The following MACROD2 variants were observed in gnomAD, a reference collection of about 807,000 sequenced individuals.
MACROD2 encodes the protein ADP-ribose glycohydrolase MACROD2.
In MACROD2, 36 loss-of-function variants were observed where a neutral mutation model predicts 70.4. That is an observed-to-expected ratio of 0.51 (90% CI 0.39 to 0.68). The LOEUF (loss-of-function observed/expected upper bound fraction) is 0.68. Among genes scored for constraint, MACROD2 ranks in the 30% least tolerant of loss-of-function variants. The probability of loss-of-function intolerance (pLI) is 0.00; values close to 1 mark genes in which losing one functional copy is unlikely to be tolerated. For missense variants in MACROD2, 496 were observed against 538.4 expected (o/e 0.92, Z 0.78); for synonymous variants, 172 against 178.8 (o/e 0.96, Z 0.30).
intron 8 of MACROD2, among the ~76,000 whole-genome samples, chr20:15,524,262 C>G (rs1007306817): frequency 6.6e-6 from 1 of 151,764 alleles, no homozygotes; most frequent in East Asian, 1.9e-4. Flanking sequence ...GAGGGGATCT[C>G]CAACTCCAGC....
At chr20:15,588,593 T>C (rs1215313656) in intron 8 of MACROD2, among the ~76,000 whole-genome samples, 1 of 152,238 alleles carries the variant, frequency 6.6e-6, no homozygotes, top group Non-Finnish European at 1.5e-5. Context: ...ACCTCTTTAA[T>C]GCTTTTTTGC....
At chr20:15,289,731 A>G (rs553535421) in intron 6 of MACROD2, among the ~76,000 whole-genome samples, 2 of 152,366 alleles carry the variant, frequency 1.3e-5, no homozygotes, top group South Asian at 4.1e-4. Flanking sequence ...GAGCACTTTT[A>G]TGGGCATGTA....
intron 8 of MACROD2, among the ~76,000 whole-genome samples, chr20:15,862,166 T>G (rs1052107581): frequency 2.0e-5 from 3 of 152,248 alleles, no homozygotes; most frequent in Non-Finnish European, 4.4e-5. Context: ...AATTAAATGT[T>G]ATATCGACCT....
intron 6 of MACROD2, among the ~76,000 whole-genome samples, chr20:15,421,120 A>G (rs562364464): frequency 6.6e-6 from 1 of 152,206 alleles, no homozygotes; most frequent in East Asian, 1.9e-4. Flanking sequence ...GCTCATGCCT[A>G]TAATCCCAGC....
chr20:15,482,042 A>C (rs2047105291), intron 7 of MACROD2, among the ~76,000 whole-genome samples: 1 of 152,184 alleles, frequency 6.6e-6, no homozygotes, highest in Admixed American at 6.5e-5. Flanking sequence ...ATACCCACAC[A>C]TGCCTATCCA....
chr20:15,264,870 A>G (rs2077279192), intron 6 of MACROD2, among the ~76,000 whole-genome samples: 1 of 152,144 alleles, frequency 6.6e-6, no homozygotes. Context: ...AGTGAGATGG[A>G]CAGACTGGGC....
At chr20:15,633,361 T>A (rs1338770357) in intron 8 of MACROD2, among the ~76,000 whole-genome samples, 1 of 152,200 alleles carries the variant, frequency 6.6e-6, no homozygotes, top group Non-Finnish European at 1.5e-5. Flanking sequence ...TACTTTCCAA[T>A]GGAGATATAA....
At chr20:14,085,567 C>T (rs997395110) in intron 2 of MACROD2, 54 bp from the exon 3 acceptor site, 46 of 1,049,126 alleles carry the variant, frequency 4.4e-5, no homozygotes, top group East Asian at 3.4e-4. Flanking sequence ...AAAATTATCT[C>T]GATTAAGTTA....
intron 8 of MACROD2, among the ~76,000 whole-genome samples, chr20:15,697,062 C>T (rs933772866): frequency 4.0e-4 from 61 of 152,096 alleles, no homozygotes; most frequent in East Asian, 9.7e-4. Flanking sequence ...TTTAGTTCTG[C>T]TCTGATCTTG....
At position 13,995,591 on chromosome 20, in the gene MACROD2, A is replaced by T; in HGVS notation, c.-173A>T. The stretch of plus-strand genomic sequence containing the variant: ...GGGAGCCGGAGCCGAGCGCGGGCTG[A>T]GGGAGGAGGGCGGCGACTGGAGAGC... On this transcript the variant is annotated 5_prime_UTR_variant, in exon 1 of 18. Transcript: ENST00000684519. The surrounding 1 kb of genome is among the most constrained non-coding windows in gnomAD (Gnocchi z 4.3). The T allele has an allele frequency of 1.4e-6, 1 of 697,560 alleles. No homozygotes were observed. Among genetic ancestry groups the T allele is most frequent in the Non-Finnish European group, 2.6e-6 (1 of 384,046 alleles). The allele number at this position is 697,560 out of a possible 1,614,324, so 43.2% of individuals were successfully genotyped here. A position where few individuals can be genotyped will look rare whatever the true frequency, so the allele number is the denominator to read the frequency against.
chr20:15,447,526 T>A (rs568399967), intron 7 of MACROD2, among the ~76,000 whole-genome samples: 1 of 152,230 alleles, frequency 6.6e-6, no homozygotes, highest in East Asian at 1.9e-4. Context: ...CCTACCAGGC[T>A]CTCCAGCCCC....
chr20:15,226,092 G>A (rs1302402208), intron 5 of MACROD2, among the ~76,000 whole-genome samples: 5 of 152,032 alleles, frequency 3.3e-5, no homozygotes, highest in East Asian at 1.9e-4. Context: ...CCTGATAGAC[G>A]TGTACAGAAG....
At chr20:14,638,091 T>C (rs1391841385) in intron 4 of MACROD2, among the ~76,000 whole-genome samples, 1 of 152,106 alleles carries the variant, frequency 6.6e-6, no homozygotes, top group Non-Finnish European at 1.5e-5. Flanking sequence ...CTTTTTGTGT[T>C]GATGTAGAGG....
chr20:15,575,562 G>C (rs534654499), intron 8 of MACROD2, among the ~76,000 whole-genome samples: 63 of 152,248 alleles, frequency 4.1e-4, no homozygotes, highest in African/African-American at 1.5e-3. Context: ...GAGTGGTGCT[G>C]GAGTAGGGAA....
chr20:14,847,736 T>C (rs994062008), intron 5 of MACROD2, among the ~76,000 whole-genome samples: 1 of 152,162 alleles, frequency 6.6e-6, no homozygotes, highest in Non-Finnish European at 1.5e-5. Flanking sequence ...ATAATGTGAA[T>C]TTAAATAGTT....
chr20:14,899,095 A>C (rs1242884275), intron 5 of MACROD2, among the ~76,000 whole-genome samples: 1 of 152,196 alleles, frequency 6.6e-6, no homozygotes, highest in Non-Finnish European at 1.5e-5. Context: ...TGCTGTGACA[A>C]AGGCAGAGTT....
chr20:14,203,385 A>AT (rs111988524), intron 3 of MACROD2, among the ~76,000 whole-genome samples: 147 of 150,176 alleles, frequency 9.8e-4, no homozygotes, highest in African/African-American at 3.1e-3. Flanking sequence ...AATTTCATAG[A>AT]TTTTTTTTTC....
intron 10 of MACROD2, among the ~76,000 whole-genome samples, chr20:15,904,890 AAAAAAAAAAAAAAAG>A (rs1487090196): frequency 1.0e-4 from 2 of 19,342 alleles, no homozygotes; most frequent in East Asian, 2.0e-3. Flanking sequence ...CAAAAAAAAA[AAAAAAAAAAAAAAAG>A]AAGGAAGAAA....
At chr20:14,257,289 T>C (rs1180968376) in intron 3 of MACROD2, among the ~76,000 whole-genome samples, 2 of 152,080 alleles carry the variant, frequency 1.3e-5, no homozygotes, top group African/African-American at 4.8e-5. Context: ...ATATTAGATA[T>C]CATCTTCCTG....
Sources: gnomAD v4.1 joint callset for allele counts (sites outside exome capture counted in the v4.1 genomes callset) on GRCh38, gnomAD v4.1.1 for gene constraint, Gnocchi (gnomAD v3.1) non-coding constraint, MANE v1.5 for transcripts, NCBI Gene and HGNC (gene_info 2026-07-23, HGNC 2026-07-21) for gene names.